The following SH3BP5 variants were observed in gnomAD, a reference collection of about 807,000 sequenced individuals.
SH3BP5 encodes SH3 domain binding protein 5.
In SH3BP5, 22 loss-of-function variants were observed where a neutral mutation model predicts 43.3. The ratio of observed to expected loss-of-function variants is 0.51; its 90% CI spans 0.36 to 0.73. The LOEUF (loss-of-function observed/expected upper bound fraction) is 0.73. Ranked by LOEUF, SH3BP5 falls within the 30% of genes least tolerant of loss-of-function variation. The pLI, the probability that SH3BP5 is intolerant of heterozygous loss-of-function variation, is 0.00. For missense variants in SH3BP5, 529 were observed against 586.9 expected (o/e 0.90, Z 1.02); for synonymous variants, 255 against 225.8 (o/e 1.13, Z -1.16).
intron 3 of SH3BP5, among the ~76,000 whole-genome samples, chr3:15,280,680 A>C (rs1214590942): frequency 6.6e-6 from 1 of 151,918 alleles, no homozygotes; most frequent in Non-Finnish European, 1.5e-5. Flanking sequence ...AACATGCCCC[A>C]CCTCTTAATT....
intron 3 of SH3BP5, among the ~76,000 whole-genome samples, chr3:15,282,784 G>C (rs1481209528): frequency 1.3e-5 from 2 of 151,910 alleles, no homozygotes; most frequent in African/African-American, 4.8e-5. Flanking sequence ...ATAAATCTAT[G>C]AACAGCTTTA....
intron 3 of SH3BP5, among the ~76,000 whole-genome samples, chr3:15,292,574 C>T (rs551624113): frequency 6.6e-5 from 10 of 152,316 alleles, no homozygotes; most frequent in East Asian, 3.9e-4. Context: ...CTAAGCCAGG[C>T]GCGGTGGCTC....
intron 2 of SH3BP5, among the ~76,000 whole-genome samples, chr3:15,305,127 A>T (rs554096588): frequency 0.02 from 3,107 of 152,206 alleles, 104 homozygotes; most frequent in African/African-American, 0.069. Flanking sequence ...AAAAAAAAAA[A>T]AAATTAATTC....
At chr3:15,326,582 G>A (rs994917539) in intron 2 of SH3BP5, among the ~76,000 whole-genome samples, 1 of 152,160 alleles carries the variant, frequency 6.6e-6, no homozygotes, top group African/African-American at 2.4e-5. Flanking sequence ...TTGTGAATTC[G>A]TCTACTCGCT....
At chr3:15,310,740 A>G (rs1244802786) in intron 2 of SH3BP5, among the ~76,000 whole-genome samples, 2 of 152,290 alleles carry the variant, frequency 1.3e-5, no homozygotes, top group Non-Finnish European at 2.9e-5. Context: ...AGGAGGCCTC[A>G]GCTCTTCAAA....
At chr3:15,332,169 G>A in intron 1 of SH3BP5, 102 bp downstream of exon 1, 2 of 1,514,902 alleles carry the variant, frequency 1.3e-6, no homozygotes, top group Non-Finnish European at 1.8e-6. Flanking sequence ...CCAGTCCCCG[G>A]ACCACAGTTA....
rs746197780 is a variant in SH3BP5, at chr3:15,269,748, C to T, written c.460G>A (p.Ala154Thr). 8 of 1,609,550 alleles carry T rather than the reference C, an allele frequency of 5.0e-6. No individual in the cohort carries two copies. Among genetic ancestry groups the T allele is most frequent in the African/African-American group, 1.3e-5 (1 of 74,782 alleles). ...GCGTGATTCAGCATCTCCTGCCAGG[C>T]GGAGTCGAACTGCCGCTTGTCATCC... ...LEDDKRQFDS[A>T]WQEMLNHATQ... Residue 154 changes from alanine to threonine, a missense_variant, in exon 4 of 9, where the codon GCC (alanine) becomes ACC (threonine). Ala to Thr is a moderately conservative substitution (Grantham distance 58). Around this residue, in one of 3 missense-constraint regions of SH3BP5, gnomAD observed 85 missense variants for 140.8 expected, o/e 0.60. Transcript: ENST00000383791.
At chr3:15,312,433 T>C (rs921706220) in intron 2 of SH3BP5, among the ~76,000 whole-genome samples, 4 of 152,196 alleles carry the variant, frequency 2.6e-5, no homozygotes, top group African/African-American at 9.7e-5. Context: ...ATATTAATAT[T>C]ATCCACAAAA....
chr3:15,304,505 G>A (rs144691670), intron 2 of SH3BP5, among the ~76,000 whole-genome samples: 2 of 152,204 alleles, frequency 1.3e-5, no homozygotes, highest in Non-Finnish European at 2.9e-5. Context: ...CTGAGGAAAG[G>A]AGTTTTTAGT....
intron 3 of SH3BP5, among the ~76,000 whole-genome samples, chr3:15,272,944 C>T (rs73818704): frequency 6.6e-6 from 1 of 152,058 alleles, no homozygotes; most frequent in Non-Finnish European, 1.5e-5. Flanking sequence ...CTCACCCCCC[C>T]AACCCCTGCC....
intron 5 of SH3BP5, among the ~76,000 whole-genome samples, chr3:15,261,552 A>G (rs1053968794): frequency 1.3e-5 from 2 of 152,198 alleles, no homozygotes; most frequent in Non-Finnish European, 2.9e-5. Context: ...AGTCTAGGTC[A>G]TCATAAGTCC....
chr3:15,282,067 G>C (rs1305572107), intron 3 of SH3BP5, among the ~76,000 whole-genome samples: 1 of 152,086 alleles, frequency 6.6e-6, no homozygotes, highest in Non-Finnish European at 1.5e-5. Flanking sequence ...ATTTGACCAG[G>C]ACAATTGAGC....
rs781148115 is a variant in SH3BP5 at position 15,257,073 on chromosome 3, A to C, written c.930T>G (p.Phe310Leu). 5 of 1,614,076 alleles carry C rather than the reference A, an allele frequency of 3.1e-6. No homozygotes were observed. Among genetic ancestry groups the C allele is most frequent in the African/African-American group, 2.7e-5 (2 of 74,910 alleles). ...EAFEDDSCSN[F>L]VSEDDSETQS... ...GGGTTTCCGAGTCATCTTCAGACAC[A>C]AAGTTGCTACAGCTGTCATCTTCAA... Residue 310 changes from phenylalanine to leucine, a missense_variant, in exon 8 of 9, where the codon TTT (phenylalanine) becomes TTG (leucine). Phe to Leu is a conservative substitution (Grantham distance 22). This residue lies in a region of SH3BP5 where 369 missense variants were observed against 384.3 expected (regional missense o/e 0.96). Transcript: ENST00000383791.
intron 3 of SH3BP5, among the ~76,000 whole-genome samples, chr3:15,301,469 G>C (rs1165945204): frequency 6.6e-6 from 1 of 152,164 alleles, no homozygotes; most frequent in East Asian, 1.9e-4. Flanking sequence ...CCCTTGCTGA[G>C]CTTCACTTAC....
chr3:15,332,696 T>C (rs779326377), upstream of SH3BP5: 9 of 1,115,100 alleles, frequency 8.1e-6, no homozygotes, highest in African/African-American at 9.9e-5. Context: ...TATCCAGGTC[T>C]CCGTCGCAAA....
At chr3:15,341,002 A>G (rs1698759070) in intron 1 of SH3BP5, among the ~76,000 whole-genome samples, 1 of 152,204 alleles carries the variant, frequency 6.6e-6, no homozygotes, top group Non-Finnish European at 1.5e-5. Context: ...TGATGAGCCG[A>G]GAGCACACCA....
chr3:15,269,382 TGGGGTTCCATG>T (rs1696733186), intron 4 of SH3BP5, among the ~76,000 whole-genome samples: 1 of 152,172 alleles, frequency 6.6e-6, no homozygotes, highest in South Asian at 2.1e-4. Flanking sequence ...CCAGTATTGC[TGGGGTTCCATG>T]GGAGCAAACC....
chr3:15,294,333 G>GCA (rs1462029510), intron 3 of SH3BP5, among the ~76,000 whole-genome samples: 4 of 112,846 alleles, frequency 3.5e-5, no homozygotes, highest in Admixed American at 7.9e-5. Context: ...GTGTGTGTGC[G>GCA]CGCGCATGTT....
At chr3:15,299,842 A>G (rs1399472050) in intron 3 of SH3BP5, among the ~76,000 whole-genome samples, 2 of 152,036 alleles carry the variant, frequency 1.3e-5, no homozygotes, top group Admixed American at 1.3e-4. Context: ...CAGACACTGG[A>G]ATAGACAGAC....
Sources: gnomAD v4.1 joint callset for allele counts (sites outside exome capture counted in the v4.1 genomes callset) on GRCh38, gnomAD v4.1.1 for gene constraint, gnomAD v4.1.1 regional missense constraint, MANE v1.5 for transcripts, NCBI Gene and HGNC (gene_info 2026-07-23, HGNC 2026-07-21) for gene names.